SLC8A1: variants seen among roughly 807,000 people sequenced by gnomAD.
SLC8A1 encodes the protein sodium/calcium exchanger 1.
Under a neutral mutation model 68.3 loss-of-function variants are expected in SLC8A1, and 18 were observed. The ratio of observed to expected loss-of-function variants is 0.26; its 90% CI spans 0.18 to 0.39. SLC8A1 has a LOEUF of 0.39. Ranked by LOEUF, SLC8A1 falls within the 10% of genes least tolerant of loss-of-function variation. SLC8A1 has a pLI of 1.00. For missense variants in SLC8A1, 985 were observed against 1,156.7 expected, an observed-to-expected ratio of 0.85 and a Z score of 2.15; for synonymous variants, 475 against 415.5, an observed-to-expected ratio of 1.14 and a Z score of -1.74.
At chr2:40,230,127 A>C (rs2059471375) in intron 2 of SLC8A1, among the ~76,000 whole-genome samples, 1 of 152,150 alleles carries the variant, frequency 6.6e-6, no homozygotes. Flanking sequence ...GCTTTTTCTT[A>C]GGCTCCACGC....
At chr2:40,302,461 G>C (rs539936941) in intron 2 of SLC8A1, among the ~76,000 whole-genome samples, 115 of 150,664 alleles carry the variant, frequency 7.6e-4, no homozygotes, top group Non-Finnish European at 1.5e-3. Context: ...GTGTGTGTGT[G>C]TGTGTATACA....
chr2:40,221,736 A>G (rs2058357085), intron 2 of SLC8A1, among the ~76,000 whole-genome samples: 1 of 152,218 alleles, frequency 6.6e-6, no homozygotes, highest in African/African-American at 2.4e-5. Flanking sequence ...AATAATAGAC[A>G]ATCAGAGAGC....
At chr2:40,355,985 C>T in intron 2 of SLC8A1, among the ~76,000 whole-genome samples, 1 of 152,182 alleles carries the variant, frequency 6.6e-6, no homozygotes. Context: ...ACATGCCAAG[C>T]ACCTACCGAG....
chr2:40,311,935 G>A (rs180951256), intron 2 of SLC8A1, among the ~76,000 whole-genome samples: 1 of 152,134 alleles, frequency 6.6e-6, no homozygotes, highest in African/African-American at 2.4e-5. Flanking sequence ...GTACAAAGAG[G>A]CACTTGTGAA....
At chr2:40,221,536 G>T (rs6757136) in intron 2 of SLC8A1, among the ~76,000 whole-genome samples, 18 of 152,092 alleles carry the variant, frequency 1.2e-4, no homozygotes, top group African/African-American at 4.1e-4. Flanking sequence ...GGCCAGGGCA[G>T]TCAGGCAAGA....
intron 2 of SLC8A1, among the ~76,000 whole-genome samples, chr2:40,338,970 G>A (rs1197663349): frequency 6.6e-6 from 1 of 152,178 alleles, no homozygotes; most frequent in Non-Finnish European, 1.5e-5. Context: ...CACAGACAGT[G>A]AACTTCCCTG....
chr2:40,176,565 CACTCCAAAT>C (rs535389294), intron 3 of SLC8A1, among the ~76,000 whole-genome samples: 72 of 152,238 alleles, frequency 4.7e-4, no homozygotes, highest in African/African-American at 1.4e-3. Context: ...CTTTTCCCAT[CACTCCAAAT>C]ACTCCAAATA....
chr2:40,415,912 A>G (rs1693718205), intron 2 of SLC8A1, among the ~76,000 whole-genome samples: 1 of 129,756 alleles, frequency 7.7e-6, no homozygotes, highest in African/African-American at 2.9e-5. Context: ...ACACACACAC[A>G]TTAGCTGGGC....
At chr2:40,392,416 AGGAAGAG>A (rs1559500987) in intron 2 of SLC8A1, among the ~76,000 whole-genome samples, 1 of 152,004 alleles carries the variant, frequency 6.6e-6, no homozygotes, top group Non-Finnish European at 1.5e-5. Context: ...TTTTCAAGAA[AGGAAGAG>A]AAATATCTTG....
At chr2:40,337,715 T>A (rs1055041967) in intron 2 of SLC8A1, among the ~76,000 whole-genome samples, 2 of 152,202 alleles carry the variant, frequency 1.3e-5, no homozygotes, top group African/African-American at 4.8e-5. Flanking sequence ...CTTATGTCCC[T>A]AGGAAAATGC....
At chr2:40,235,250 G>A (rs1474456821) in intron 2 of SLC8A1, among the ~76,000 whole-genome samples, 1 of 152,132 alleles carries the variant, frequency 6.6e-6, no homozygotes, top group Non-Finnish European at 1.5e-5. Flanking sequence ...TGGTTGGTAA[G>A]CTATTAATTA....
intron 1 of SLC8A1, among the ~76,000 whole-genome samples, chr2:40,463,482 C>T (rs1175153192): frequency 6.6e-6 from 1 of 152,168 alleles, no homozygotes; most frequent in Non-Finnish European, 1.5e-5. Context: ...ATTAGCCTTA[C>T]AGTTACTAAA....
exon 8 of SLC8A1, chr2:40,106,892 T>C (rs1007866489): frequency 6.6e-6 from 1 of 152,184 alleles, no homozygotes; most frequent in Non-Finnish European, 1.5e-5. Context: ...GGTATTGACA[T>C]TACTGCCCCT....
At chr2:40,232,593 A>T (rs1273334081) in intron 2 of SLC8A1, among the ~76,000 whole-genome samples, 3 of 120,954 alleles carry the variant, frequency 2.5e-5, no homozygotes, top group South Asian at 2.9e-4. Flanking sequence ...CCAACTTTGT[A>T]TTCTGTTTTT....
At chr2:40,431,945 A>AT (rs2149793780) in intron 1 of SLC8A1, among the ~76,000 whole-genome samples, 1 of 152,176 alleles carries the variant, frequency 6.6e-6, no homozygotes, top group African/African-American at 2.4e-5. Context: ...CTTCTTTGAC[A>AT]TTTTTCCCAT....
chr2:40,299,600 T>A (rs2071051275), intron 2 of SLC8A1, among the ~76,000 whole-genome samples: 1 of 152,146 alleles, frequency 6.6e-6, no homozygotes, highest in African/African-American at 2.4e-5. Flanking sequence ...TGCAAACATT[T>A]GGACTTGTAA....
At chr2:40,177,307 A>G (rs1411552729) in intron 3 of SLC8A1, among the ~76,000 whole-genome samples, 1 of 152,170 alleles carries the variant, frequency 6.6e-6, no homozygotes, top group Non-Finnish European at 1.5e-5. Context: ...GTTAGTTGCC[A>G]TTAGGGTCAT....
At chr2:40,172,969 A>AAAAC (rs1192585209) in intron 4 of SLC8A1, among the ~76,000 whole-genome samples, 1 of 152,140 alleles carries the variant, frequency 6.6e-6, no homozygotes, top group African/African-American at 2.4e-5. Flanking sequence ...ATTCAGTAAT[A>AAAAC]AAACAGAAAG....
At chr2:40,337,417 G>C (rs13406541) in intron 2 of SLC8A1, 34,134 of 268,368 alleles carry the variant, frequency 0.13, 4,124 homozygotes, top group African/African-American at 0.38. Flanking sequence ...TAAACTTTAA[G>C]AAAGTACCTG....
Sources: allele counts gnomAD v4.1 joint callset (sites outside exome capture counted in the v4.1 genomes callset), GRCh38; gene constraint gnomAD v4.1.1; transcripts MANE v1.5; gene names NCBI Gene and HGNC (gene_info 2026-07-23, HGNC 2026-07-21).